ACSS3: variants seen among roughly 807,000 people sequenced by gnomAD.
The protein encoded by ACSS3 is acyl-CoA synthetase short-chain family member 3, mitochondrial.
In ACSS3, 64 loss-of-function variants were observed where a neutral mutation model predicts 84.2. The observed-to-expected ratio is 0.76, with a 90% CI of 0.62 to 0.94. ACSS3 has a LOEUF of 0.94. ACSS3 is among the 40% of genes least tolerant of loss of function. The probability of loss-of-function intolerance (pLI) is 0.00; values close to 1 mark genes in which losing one functional copy is unlikely to be tolerated. For missense variants in ACSS3, 815 were observed against 867.6 expected (o/e 0.94, Z 0.76); for synonymous variants, 317 against 310.1 (o/e 1.02, Z -0.23).
At chr12:81,235,944 A>T (rs2033617128) in intron 13 of ACSS3, among the ~76,000 whole-genome samples, 1 of 151,344 alleles carries the variant, frequency 6.6e-6, no homozygotes, top group Non-Finnish European at 1.5e-5. Flanking sequence ...CCTCCTTTCC[A>T]ATCTGAATGC....
chr12:81,130,887 C>G (rs1457152098), intron 2 of ACSS3, among the ~76,000 whole-genome samples: 1 of 152,150 alleles, frequency 6.6e-6, no homozygotes, highest in African/African-American at 2.4e-5. Flanking sequence ...AATAGGGAAT[C>G]CTTTCCCCAT....
chr12:81,098,758 A>G (rs1357363671), intron 1 of ACSS3, among the ~76,000 whole-genome samples: 1 of 152,242 alleles, frequency 6.6e-6, no homozygotes, highest in Non-Finnish European at 1.5e-5. Flanking sequence ...GTTGGCCTCA[A>G]AGCTCAGGCC....
chr12:81,162,807 G>A (rs1280064075), intron 7 of ACSS3, among the ~76,000 whole-genome samples: 5 of 152,144 alleles, frequency 3.3e-5, no homozygotes, highest in African/African-American at 9.7e-5. Context: ...TTCAGAGGGG[G>A]CCAAGGAGGT....
At chr12:81,205,648 T>C (rs78750229) in intron 9 of ACSS3, among the ~76,000 whole-genome samples, 2,770 of 152,166 alleles carry the variant, frequency 0.018, 75 homozygotes, top group African/African-American at 0.063. Context: ...GTCACTTTTT[T>C]TTCCGTGATC....
At position 81,257,427 on chromosome 12, in the gene ACSS3, G is replaced by A. The variant is rs1407754287; in HGVS notation, c.*2505G>A. 1 of 152,114 alleles carries A rather than the reference G, an allele frequency of 6.6e-6. No homozygotes were observed. The highest frequency in any genetic ancestry group is 2.4e-5 in the African/African-American group (1 of 41,446). 9.4% of individuals were successfully genotyped at this position (152,114 alleles called of 1,614,324 possible). On this transcript the variant is annotated 3_prime_UTR_variant, in exon 16 of 16. Transcript: ENST00000548058. ...GTACTTTAAAGATTCTGAATTAAAT[G>A]TATCTTTAAAAACAACAATATAATA...
rs750745980 is a variant in ACSS3, at chr12:81,102,826, T to TA, written c.312-6721dup. Among the ~76,000 whole-genome samples, 466 of 139,720 alleles carry TA rather than the reference T, an allele frequency of 3.3e-3. 1 individual carries two copies. The highest frequency in any genetic ancestry group is 9.5e-3 in the African/African-American group (358 of 37,814). The allele number at this position is 139,720 out of a possible 152,430, so 91.7% of individuals were successfully genotyped here. A position where few individuals can be genotyped will look rare whatever the true frequency, so the allele number is the denominator to read the frequency against. On this transcript the variant is annotated intron_variant, in intron 1 of 15. Coordinates refer to ENST00000548058, the MANE Select transcript of ACSS3 (RefSeq NM_024560.4). ...CCTGGCAACAGAGCAAGACTGCATC[T>TA]AAAAAAAAAAAAAGGAGAAGATTGA...
At chr12:81,077,905 T>A, upstream of ACSS3, 1 of 511,548 alleles carries the variant, frequency 2.0e-6, no homozygotes, top group Non-Finnish European at 3.4e-6. Flanking sequence ...GCAACGGCGC[T>A]GTGACACCCC....
At chr12:81,157,169 G>C (rs1435962) in intron 7 of ACSS3, among the ~76,000 whole-genome samples, 31,264 of 152,004 alleles carry the variant, frequency 0.21, 3,509 homozygotes, top group East Asian at 0.41. Flanking sequence ...TGACCAAGTG[G>C]AATTTATTCC....
chr12:81,139,404 A>T, intron 4 of ACSS3, 139 bp downstream of exon 4: 1 of 993,040 alleles, frequency 1.0e-6, no homozygotes, highest in Non-Finnish European at 1.4e-6. Flanking sequence ...TAAAAAATAT[A>T]TGAATAAGAC....
chr12:81,152,555 T>C (rs1886664062), intron 7 of ACSS3, among the ~76,000 whole-genome samples: 1 of 152,164 alleles, frequency 6.6e-6, no homozygotes, highest in Non-Finnish European at 1.5e-5. Context: ...ACTGACCAGA[T>C]TTATACCTGA....
chr12:81,146,577 G>A (rs780543929), intron 5 of ACSS3, among the ~76,000 whole-genome samples: 1 of 152,154 alleles, frequency 6.6e-6, no homozygotes, highest in Non-Finnish European at 1.5e-5. Flanking sequence ...AAGCATATTT[G>A]CATATCAGCA....
chr12:81,143,055 C>T, intron 4 of ACSS3, 52 bp from the exon 5 acceptor site: 2 of 1,445,040 alleles, frequency 1.4e-6, no homozygotes, highest in Admixed American at 2.1e-5. Flanking sequence ...TTTTTGTTCT[C>T]TTGATTTAAT....
At chr12:81,236,360 A>G (rs1227878265) in intron 13 of ACSS3, among the ~76,000 whole-genome samples, 6 of 151,478 alleles carry the variant, frequency 4.0e-5, no homozygotes, top group Non-Finnish European at 8.9e-5. Flanking sequence ...TATAATTAAT[A>G]ATTATTGTTA....
At chr12:81,245,463 A>G (rs1251998023) in intron 13 of ACSS3, among the ~76,000 whole-genome samples, 1 of 152,218 alleles carries the variant, frequency 6.6e-6, no homozygotes, top group Non-Finnish European at 1.5e-5. Context: ...CTCTGTCTCA[A>G]AAAAACAAAC....
At chr12:81,086,375 A>G (rs1206458937) in intron 1 of ACSS3, among the ~76,000 whole-genome samples, 3 of 152,198 alleles carry the variant, frequency 2.0e-5, no homozygotes, top group Non-Finnish European at 4.4e-5. Flanking sequence ...AAGAAAGACC[A>G]GTTTTAAAAG....
intron 2 of ACSS3, among the ~76,000 whole-genome samples, chr12:81,119,858 C>A (rs1374636927): frequency 6.6e-6 from 1 of 152,126 alleles, no homozygotes; most frequent in Non-Finnish European, 1.5e-5. Context: ...TGATGTACAT[C>A]CTCAGCTTAT....
intron 1 of ACSS3, among the ~76,000 whole-genome samples, chr12:81,090,104 C>T (rs1593023745): frequency 6.6e-6 from 1 of 151,934 alleles, no homozygotes; most frequent in Admixed American, 6.6e-5. Flanking sequence ...TTTATTTGTT[C>T]TCTGTGTTTC....
intron 1 of ACSS3, among the ~76,000 whole-genome samples, chr12:81,081,519 G>A (rs1003420379): frequency 1.3e-5 from 2 of 152,178 alleles, no homozygotes; most frequent in Non-Finnish European, 2.9e-5. Context: ...GAACAACAAA[G>A]TGGAAGTTTC....
chr12:81,217,039 C>T (rs57570000), intron 10 of ACSS3, 43 bp downstream of exon 10: 39,781 of 1,496,410 alleles, frequency 0.027, 1,036 homozygotes, highest in African/African-American at 0.13. Context: ...ATAAATTTGG[C>T]ATTTTCTTGC....
Sources: gnomAD v4.1 joint callset for allele counts (sites outside exome capture counted in the v4.1 genomes callset) on GRCh38, gnomAD v4.1.1 for gene constraint, MANE v1.5 for transcripts, NCBI Gene and HGNC (gene_info 2026-07-23, HGNC 2026-07-21) for gene names.